The following EFCAB8 variants were observed in gnomAD, a reference collection of about 807,000 sequenced individuals.
The protein encoded by EFCAB8 is EF-hand calcium-binding domain-containing protein 8.
In EFCAB8, 100 loss-of-function variants were observed where a neutral mutation model predicts 116.3. That is an observed-to-expected ratio of 0.86 (90% confidence interval 0.73 to 1.02). EFCAB8 has a LOEUF of 1.02. Among genes scored for constraint, EFCAB8 ranks in the 50% least tolerant of loss-of-function variants. The pLI, the probability that EFCAB8 is intolerant of heterozygous loss-of-function variation, is 0.00. For synonymous variants in EFCAB8, 558 were observed against 567.9 expected (o/e 0.98, Z 0.25); for missense variants, 1,320 against 1,416.9 (o/e 0.93, Z 1.10).
At chr20:32,896,640 G>A (rs1986174873) in intron 10 of EFCAB8, 113 bp downstream of exon 10, 1 of 646,526 alleles carries the variant, frequency 1.5e-6, no homozygotes, top group East Asian at 2.7e-5. Flanking sequence ...TAGCCCTTGG[G>A]GTTTGGTCTC....
chr20:32,878,008 A>G (rs1389219976), intron 4 of EFCAB8, among the ~76,000 whole-genome samples: 1 of 152,180 alleles, frequency 6.6e-6, no homozygotes, highest in Non-Finnish European at 1.5e-5. Context: ...GTCCAAGCGC[A>G]GTGGCTCACA....
At chr20:32,933,556 A>G (rs562755638) in intron 22 of EFCAB8, among the ~76,000 whole-genome samples, 1 of 152,236 alleles carries the variant, frequency 6.6e-6, no homozygotes, top group Admixed American at 6.6e-5. Flanking sequence ...AGATCTCAAA[A>G]CTTTTTCCTC....
chr20:32,878,677 C>T, intron 4 of EFCAB8, 27 bp from the exon 5 acceptor site: 2 of 1,539,028 alleles, frequency 1.3e-6, no homozygotes, highest in East Asian at 4.9e-5. Context: ...CAATACCCTG[C>T]CTCCCTTGTG....
intron 22 of EFCAB8, among the ~76,000 whole-genome samples, chr20:32,938,833 AT>A (rs1221156923): frequency 6.7e-6 from 1 of 149,970 alleles, no homozygotes; most frequent in Admixed American, 6.6e-5. Flanking sequence ...GATGTTGTTA[AT>A]ATAGCATATT....
chr20:32,913,751 T>C (rs1987052625), intron 17 of EFCAB8, among the ~76,000 whole-genome samples: 1 of 151,494 alleles, frequency 6.6e-6, no homozygotes, highest in South Asian at 2.1e-4. Context: ...GGGGCAGGCA[T>C]AGGATAGACA....
intron 3 of EFCAB8, 35 bp from the exon 4 acceptor site, chr20:32,875,891 G>C: frequency 1.3e-6 from 2 of 1,538,960 alleles, no homozygotes; most frequent in Non-Finnish European, 1.8e-6. Flanking sequence ...GGACTTGTGA[G>C]GAAGGGGATG....
In EFCAB8 at chr20:32,935,188, C is replaced by CTTTTTTTTTTTTTTTTTTTTTTTTTTT. The variant is rs754022404; in HGVS notation, c.2790+3855_2790+3856insTTTTTTTTTTTTTTTTTTTTTTTTTTT. On this transcript the variant is annotated intron_variant, in intron 22 of 26. Coordinates refer to ENST00000400522, the MANE Select transcript of EFCAB8 (RefSeq NM_001143967.2). ...TCTCTTCTCTTTTCTTTCTTTCTTTCTTTCTTTTTTTTTTTTTTTTTTTTT... is the reference window on the plus strand; with the variant it reads ...TCTCTTCTCTTTTCTTTCTTTCTTTCTTTTTTTTTTTTTTTTTTTTTTTTTTTTTTCTTTTTTTTTTTTTTTTTTTTT... Among the ~76,000 whole-genome samples the CTTTTTTTTTTTTTTTTTTTTTTTTTTT allele has an allele frequency of 3.6e-4, 24 of 66,916 alleles. 1 individual carries two copies. Among genetic ancestry groups the CTTTTTTTTTTTTTTTTTTTTTTTTTTT allele is most frequent in the African/African-American group, 5.4e-4 (7 of 12,970 alleles). The allele number at this position is 66,916 out of a possible 152,430, so 43.9% of individuals were successfully genotyped here.
chr20:32,894,827 G>C (rs1986081213), intron 9 of EFCAB8, among the ~76,000 whole-genome samples: 1 of 152,244 alleles, frequency 6.6e-6, no homozygotes, highest in African/African-American at 2.4e-5. Context: ...TAGTAGGAGA[G>C]ACAGGCAGGT....
At chr20:32,922,093 T>G (rs1173766797) in intron 20 of EFCAB8, among the ~76,000 whole-genome samples, 1 of 152,156 alleles carries the variant, frequency 6.6e-6, no homozygotes, top group East Asian at 1.9e-4. Context: ...CTTCCCAAAG[T>G]GCTGGGATTA....
At chr20:32,936,389 A>G (rs1988121061) in intron 22 of EFCAB8, among the ~76,000 whole-genome samples, 1 of 152,194 alleles carries the variant, frequency 6.6e-6, no homozygotes, top group South Asian at 2.1e-4. Context: ...ACCATTGCTC[A>G]GATCAATGTC....
intron 23 of EFCAB8, among the ~76,000 whole-genome samples, chr20:32,952,783 C>T (rs1273582647): frequency 6.6e-6 from 1 of 152,174 alleles, no homozygotes; most frequent in Non-Finnish European, 1.5e-5. Flanking sequence ...TGAAGTCCAA[C>T]TTACCAAGTT....
intron 14 of EFCAB8, among the ~76,000 whole-genome samples, chr20:32,908,733 C>T (rs908591690): frequency 2.6e-5 from 4 of 152,344 alleles, no homozygotes; most frequent in South Asian, 2.1e-4. Flanking sequence ...TTCTTGGCCC[C>T]GTTCCTTGTC....
intron 5 of EFCAB8, 92 bp from the exon 6 acceptor site, chr20:32,885,413 C>G (rs1009326680): frequency 6.7e-7 from 1 of 1,500,976 alleles, no homozygotes; most frequent in South Asian, 1.3e-5. Flanking sequence ...GGCTTTTGTC[C>G]CTCCTCCTCG....
chr20:32,911,416 A>T, intron 15 of EFCAB8, 64 bp from the exon 16 acceptor site: 1 of 1,376,442 alleles, frequency 7.3e-7, no homozygotes, highest in Non-Finnish European at 9.6e-7. Context: ...GGCAGGCTGG[A>T]GACCACCCTT....
intron 11 of EFCAB8, among the ~76,000 whole-genome samples, chr20:32,899,404 C>CA (rs113891250): frequency 0.47 from 43,376 of 93,194 alleles, 8,376 homozygotes; most frequent in Middle Eastern, 0.59. Flanking sequence ...GACTCCGTCT[C>CA]AAAAAAAAAA....
At chr20:32,885,104 G>A (rs1186143692) in intron 5 of EFCAB8, among the ~76,000 whole-genome samples, 2 of 151,100 alleles carry the variant, frequency 1.3e-5, no homozygotes, top group Non-Finnish European at 3.0e-5. Context: ...CTGTTTCTCA[G>A]TTTTCAGCCT....
At chr20:32,905,759 C>CAAA (rs571052063) in intron 11 of EFCAB8, among the ~76,000 whole-genome samples, 1 of 71,512 alleles carries the variant, frequency 1.4e-5, no homozygotes, top group African/African-American at 5.4e-5. Context: ...GACTCCATCT[C>CAAA]AAAAAAAAAA....
At chr20:32,957,654 C>T (rs1989013452) in intron 23 of EFCAB8, among the ~76,000 whole-genome samples, 1 of 152,172 alleles carries the variant, frequency 6.6e-6, no homozygotes, top group Non-Finnish European at 1.5e-5. Flanking sequence ...AGAAAAACAG[C>T]TGTGCATTCA....
chr20:32,872,621 C>G (rs796749370), intron 3 of EFCAB8, among the ~76,000 whole-genome samples: 26 of 152,036 alleles, frequency 1.7e-4, no homozygotes, highest in African/African-American at 6.3e-4. Flanking sequence ...TGGTGAAACC[C>G]TGTCCCTACT....
Sources: allele counts gnomAD v4.1 joint callset (sites outside exome capture counted in the v4.1 genomes callset), GRCh38; gene constraint gnomAD v4.1.1; transcripts MANE v1.5; gene names NCBI Gene and HGNC (gene_info 2026-07-23, HGNC 2026-07-21).